RNGTT: variants seen among roughly 807,000 people sequenced by gnomAD.
RNGTT encodes the protein mRNA-capping enzyme.
RNGTT carries 33 observed loss-of-function variants against 79.3 expected under a neutral mutation model. The observed-to-expected ratio is 0.42, with a 90% CI of 0.32 to 0.56. The LOEUF is 0.56. Among genes scored for constraint, RNGTT ranks in the 20% least tolerant of loss-of-function variants. The pLI is 0.17. For synonymous variants in RNGTT, 222 were observed against 235.9 expected (o/e 0.94, Z 0.54); for missense variants, 497 against 739.1 (o/e 0.67, Z 3.80).
intron 14 of RNGTT, among the ~76,000 whole-genome samples, chr6:88,638,126 C>A (rs573036756): frequency 6.6e-6 from 1 of 152,160 alleles, no homozygotes; most frequent in African/African-American, 2.4e-5. Context: ...ACCTCTCTCA[C>A]AATGGAATCT....
intron 13 of RNGTT, among the ~76,000 whole-genome samples, chr6:88,683,436 A>G (rs1021160980): frequency 1.3e-5 from 2 of 152,166 alleles, no homozygotes; most frequent in African/African-American, 4.8e-5. Flanking sequence ...CCCATAAACA[A>G]TTTTAAATTA....
chr6:88,879,994 A>G (rs1419040311), intron 8 of RNGTT, among the ~76,000 whole-genome samples: 3 of 152,164 alleles, frequency 2.0e-5, no homozygotes, highest in African/African-American at 7.2e-5. Context: ...TGAGACAGAG[A>G]CCACACAACC....
chr6:88,647,733 A>AAGGAAGGG lies in RNGTT; in HGVS notation c.1506+30612_1506+30619dup, dbSNP rs1176254305. On this transcript the variant is annotated intron_variant, in intron 14 of 15. Transcript: ENST00000369485. ...AAAAAAAAAAGAAGAAGAAGAAAAGAAGGAAGGGAGGAAGGGAGAGAGGGA... is the reference window on the plus strand; with the variant it reads ...AAAAAAAAAAGAAGAAGAAGAAAAGAAGGAAGGGAGGAAGGGAGGAAGGGAGAGAGGGA... Among the ~76,000 whole-genome samples, 8 of 149,524 alleles carry AAGGAAGGG rather than the reference A, an allele frequency of 5.4e-5. No homozygotes were observed. The East Asian group carries it at 5.8e-4, about 11-fold the overall frequency.
At chr6:88,620,514 A>G (rs896745793) in intron 14 of RNGTT, among the ~76,000 whole-genome samples, 1 of 152,240 alleles carries the variant, frequency 6.6e-6, no homozygotes, top group African/African-American at 2.4e-5. Flanking sequence ...CCAAACTTTC[A>G]ACATATGCAT....
intron 8 of RNGTT, among the ~76,000 whole-genome samples, chr6:88,857,358 T>G (rs370879199): frequency 6.6e-6 from 1 of 152,130 alleles, no homozygotes; most frequent in East Asian, 1.9e-4. Context: ...ACTCTGATCA[T>G]CAATTCAGGA....
chr6:88,794,020 C>G (rs889617816), intron 12 of RNGTT, among the ~76,000 whole-genome samples: 1 of 152,142 alleles, frequency 6.6e-6, no homozygotes, highest in African/African-American at 2.4e-5. Flanking sequence ...AAAGAATTTT[C>G]AAGTACTGAT....
intron 13 of RNGTT, among the ~76,000 whole-genome samples, chr6:88,762,285 T>G (rs191763843): frequency 3.3e-5 from 5 of 152,202 alleles, no homozygotes; most frequent in Admixed American, 6.5e-5. Context: ...TAAGGGTCAT[T>G]ATGCTAGGAA....
intron 14 of RNGTT, among the ~76,000 whole-genome samples, chr6:88,663,311 A>G (rs1340528491): frequency 6.6e-6 from 1 of 152,196 alleles, no homozygotes; most frequent in Admixed American, 6.5e-5. Context: ...TGTGAGATAG[A>G]CTATCCAGCA....
chr6:88,663,470 T>A lies in RNGTT; in HGVS notation c.1506+14883A>T, dbSNP rs144176976. On this transcript the variant is annotated intron_variant, in intron 14 of 15. Transcript: ENST00000369485. ...CTAGTTTTAGACCCCTCACAGTGGC[T>A]AAGAGGACAGGCTGCAGCAGTACTA... Among the ~76,000 whole-genome samples the A allele has an allele frequency of 3.5e-3, 527 of 152,228 alleles. 1 individual carries two copies. The highest frequency in any genetic ancestry group is 0.012 in the African/African-American group (493 of 41,514).
intron 8 of RNGTT, among the ~76,000 whole-genome samples, chr6:88,883,170 CAAAAAAAAAAAA>C (rs976114373): frequency 1.3e-3 from 89 of 68,896 alleles, no homozygotes; most frequent in Admixed American, 1.0e-2. Flanking sequence ...CTCTTTATGA[CAAAAAAAAAAAA>C]AAAAAAAAAA....
At chr6:88,933,093 GA>G (rs201351131) in intron 2 of RNGTT, among the ~76,000 whole-genome samples, 1 of 149,304 alleles carries the variant, frequency 6.7e-6, no homozygotes, top group South Asian at 2.1e-4. Context: ...GTCCCCACAG[GA>G]AAAAAAAAGG....
chr6:88,739,510 T>G (rs1270689533), intron 13 of RNGTT, among the ~76,000 whole-genome samples: 1 of 152,000 alleles, frequency 6.6e-6, no homozygotes, highest in South Asian at 2.1e-4. Flanking sequence ...AGTAAACTTA[T>G]GTTTATGTAT....
chr6:88,620,849 G>A (rs1179607920), intron 14 of RNGTT, among the ~76,000 whole-genome samples: 4 of 152,126 alleles, frequency 2.6e-5, no homozygotes, highest in East Asian at 1.9e-4. Context: ...TCCTTTAGAC[G>A]ACATTATGTC....
At chr6:88,884,133 TC>T in intron 8 of RNGTT, among the ~76,000 whole-genome samples, 1 of 152,278 alleles carries the variant, frequency 6.6e-6, no homozygotes, top group East Asian at 1.9e-4. Flanking sequence ...AACTCAGCAA[TC>T]CTTCTTTCTA....
chr6:88,798,372 C>A (rs541589809), intron 12 of RNGTT, among the ~76,000 whole-genome samples: 1 of 151,230 alleles, frequency 6.6e-6, no homozygotes. Flanking sequence ...ACCTGAAGTG[C>A]GAGGATTGCT....
intron 11 of RNGTT, among the ~76,000 whole-genome samples, chr6:88,832,914 G>T (rs1047968542): frequency 6.6e-6 from 1 of 151,616 alleles, no homozygotes; most frequent in South Asian, 2.1e-4. Context: ...TCATTAAAAA[G>T]TCAGGAAACA....
intron 11 of RNGTT, among the ~76,000 whole-genome samples, chr6:88,838,946 C>G (rs1226715608): frequency 6.6e-6 from 1 of 151,782 alleles, no homozygotes; most frequent in East Asian, 1.9e-4. Context: ...AGTCTAGAAA[C>G]AGAACCAGAC....
At chr6:88,801,534 G>C in intron 12 of RNGTT, 30 bp downstream of exon 12, 1 of 1,522,146 alleles carries the variant, frequency 6.6e-7, no homozygotes, top group Non-Finnish European at 9.0e-7. Flanking sequence ...ACACACAAAC[G>C]AACACACACA....
chr6:88,855,415 A>G lies in RNGTT; in HGVS notation c.897-1651T>C, dbSNP rs559470701. On this transcript the variant is annotated intron_variant, in intron 8 of 15. Transcript: ENST00000369485. ...GTGTACAAACAAAATGGAAAAGAGC[A>G]GCATGGAAGACCAAAGGGGCTTATG... Among the ~76,000 whole-genome samples the G allele has an allele frequency of 1.2e-3, 184 of 152,214 alleles. 4 individuals are homozygous for G. Among genetic ancestry groups the G allele is most frequent in the African/African-American group, 4.2e-3 (174 of 41,530 alleles).
Sources: allele counts gnomAD v4.1 joint callset (sites outside exome capture counted in the v4.1 genomes callset), GRCh38; gene constraint gnomAD v4.1.1; transcripts MANE v1.5; gene names NCBI Gene and HGNC (gene_info 2026-07-23, HGNC 2026-07-21).